NMI: variants seen among roughly 807,000 people sequenced by gnomAD.
NMI encodes the protein N-myc-interactor.
NMI carries 39 observed loss-of-function variants against 34.3 expected under a neutral mutation model. The observed-to-expected ratio is 1.14, with a 90% CI of 0.88 to 1.49. The LOEUF is 1.49. Ranked by LOEUF, NMI falls within the 40% of genes most tolerant of loss-of-function variation. The pLI, the probability that NMI is intolerant of heterozygous loss-of-function variation, is 0.00. For missense variants in NMI, 339 were observed against 358.1 expected (o/e 0.95, Z 0.43); for synonymous variants, 113 against 120.3 (o/e 0.94, Z 0.40).
At chr2:151,281,826 AC>A (rs1683410747) in intron 3 of NMI, 121 bp downstream of exon 3, 1 of 660,938 alleles carries the variant, frequency 1.5e-6, no homozygotes, top group African/African-American at 1.9e-5. Flanking sequence ...TTGAACTATT[AC>A]AAATGGTGGT....
intron 1 of NMI, among the ~76,000 whole-genome samples, chr2:151,286,221 G>A (rs867686906): frequency 1.3e-5 from 2 of 152,012 alleles, no homozygotes; most frequent in African/African-American, 2.4e-5. Context: ...ATGTAACTTC[G>A]ACGACAGTCC....
chr2:151,275,521 CTG>C lies in NMI; in HGVS notation c.595_596del (p.Gln199ValfsTer15). On this transcript the variant is annotated frameshift_variant, in exon 6 of 8. Transcript: ENST00000243346. LOFTEE classifies it high-confidence loss of function. ...CAAACGTGATGACTGCACTCCCGGA[CTG>C]TCTGTCATAGTCCACGCGGTCCACC... ...GEVDRVDYDR[Q>X]SGSAVITFVE... The C allele has an allele frequency of 3.1e-6, 5 of 1,614,164 alleles. No individual in the cohort carries two copies. Among genetic ancestry groups the C allele is most frequent in the Non-Finnish European group, 4.2e-6 (5 of 1,180,042 alleles).
At chr2:151,285,483 G>A (rs1683479382) in intron 1 of NMI, among the ~76,000 whole-genome samples, 2 of 151,794 alleles carry the variant, frequency 1.3e-5, no homozygotes, top group Admixed American at 1.3e-4. Flanking sequence ...AGCTACTCGG[G>A]AGGCTGAGGC....
chr2:151,275,901 A>G (rs1683287336), intron 4 of NMI, 37 bp from the exon 5 acceptor site: 2 of 1,272,864 alleles, frequency 1.6e-6, no homozygotes, highest in Non-Finnish European at 1.1e-6. Context: ...TTAATTTCCA[A>G]TATTTTAAGA....
intron 3 of NMI, among the ~76,000 whole-genome samples, chr2:151,281,560 T>A (rs1344855722): frequency 1.3e-5 from 2 of 152,198 alleles, no homozygotes; most frequent in African/African-American, 4.8e-5. Flanking sequence ...TGGGTTCCCT[T>A]CTGGGTCTTA....
chr2:151,275,943 T>C (rs1683287917), intron 4 of NMI, 79 bp from the exon 5 acceptor site: 1 of 946,146 alleles, frequency 1.1e-6, no homozygotes. Context: ...GAACAAATTA[T>C]CCTGAATATT....
chr2:151,280,943 A>G (rs1439122597), intron 3 of NMI, among the ~76,000 whole-genome samples: 1 of 152,000 alleles, frequency 6.6e-6, no homozygotes, highest in East Asian at 1.9e-4. Flanking sequence ...CCCAGGTTCA[A>G]GCAATTCTCT....
At chr2:151,275,722 G>T in intron 5 of NMI, 36 bp downstream of exon 5, 3 of 1,608,450 alleles carry the variant, frequency 1.9e-6, no homozygotes, top group Non-Finnish European at 2.6e-6. Context: ...TGCTTGTGAT[G>T]AACAGAAATC....
intron 1 of NMI, among the ~76,000 whole-genome samples, chr2:151,285,733 G>A (rs1683485114): frequency 6.6e-6 from 1 of 152,080 alleles, no homozygotes; most frequent in South Asian, 2.1e-4. Flanking sequence ...CCCAGACTTT[G>A]GTTTCTAATA....
At chr2:151,272,924 G>T (rs555851288) in intron 6 of NMI, among the ~76,000 whole-genome samples, 1 of 152,264 alleles carries the variant, frequency 6.6e-6, no homozygotes, top group Admixed American at 6.5e-5. Flanking sequence ...GGTTACCAGG[G>T]GCTGGAAGAA....
At chr2:151,283,044 G>A in intron 1 of NMI, 90 bp from the exon 2 acceptor site, 1 of 562,292 alleles carries the variant, frequency 1.8e-6, no homozygotes, top group South Asian at 4.1e-5. Context: ...TTTTATGGAA[G>A]AAACATCTCT....
At chr2:151,289,353 G>T (rs1683576570) in intron 1 of NMI, among the ~76,000 whole-genome samples, 1 of 152,112 alleles carries the variant, frequency 6.6e-6, no homozygotes, top group Non-Finnish European at 1.5e-5. Flanking sequence ...AAGTGACAAG[G>T]CTCGAAGCCC....
intron 3 of NMI, 128 bp from the exon 4 acceptor site, chr2:151,279,118 T>C: frequency 1.6e-6 from 1 of 618,208 alleles, no homozygotes; most frequent in Non-Finnish European, 2.8e-6. Flanking sequence ...GAATATTGAG[T>C]ATGGTCTTAT....
At chr2:151,283,182 C>T (rs1683438801) in intron 1 of NMI, among the ~76,000 whole-genome samples, 1 of 151,810 alleles carries the variant, frequency 6.6e-6, no homozygotes, top group African/African-American at 2.4e-5. Context: ...TCTCTGTCGC[C>T]CAGGCTGGAG....
At chr2:151,274,479 T>A (rs983515050) in intron 6 of NMI, among the ~76,000 whole-genome samples, 6 of 129,456 alleles carry the variant, frequency 4.6e-5, no homozygotes, top group African/African-American at 2.1e-4. Context: ...GAAATGTCTC[T>A]TTTTGTTTTT....
At position 151,283,053 on chromosome 2, in the gene NMI, CTT is replaced by C. The variant is rs1164348437; in HGVS notation, c.-6-101_-6-100del. 5.8e-6 allele frequency: 3 copies of C among 520,710 alleles called. No homozygotes were observed. The African/African-American group carries it at 6.0e-5, about 10-fold the overall frequency. The allele number at this position is 520,710 out of a possible 1,614,324, so 32.3% of individuals were successfully genotyped here. ...TTACCCTTTTATGGAAGAAACATCT[CTT>C]CTTTGCTATATCTTTTTTTCCCATC... On this transcript the variant is annotated intron_variant, in intron 1 of 7. Transcript: ENST00000243346.
chr2:151,270,589 TA>T lies in NMI; in HGVS notation c.*103del. The T allele has an allele frequency of 1.1e-6, 1 of 907,854 alleles. No homozygotes were observed. Among genetic ancestry groups the T allele is most frequent in the Non-Finnish European group, 1.7e-6 (1 of 603,088 alleles). The allele number at this position is 907,854 out of a possible 1,614,324, so 56.2% of individuals were successfully genotyped here. A position where few individuals can be genotyped will look rare whatever the true frequency, so the allele number is the denominator to read the frequency against. On this transcript the variant is annotated 3_prime_UTR_variant, in exon 8 of 8. Coordinates refer to ENST00000243346, the MANE Select transcript of NMI (RefSeq NM_004688.3). The stretch of plus-strand genomic sequence containing the variant: ...TTTGTATCTAAACATAAATGGATGG[TA>T]AAAATTAAAGTTTTCATTTTTTAAG...
intron 4 of NMI, among the ~76,000 whole-genome samples, chr2:151,276,570 T>C (rs1487805079): frequency 6.6e-6 from 1 of 152,208 alleles, no homozygotes; most frequent in South Asian, 2.1e-4. Context: ...AGTACATTAA[T>C]GCACAGCCAG....
intron 6 of NMI, among the ~76,000 whole-genome samples, chr2:151,274,812 T>C (rs569741034): frequency 1.3e-5 from 2 of 151,974 alleles, no homozygotes; most frequent in East Asian, 3.9e-4. Context: ...TGCTCTTCTG[T>C]ATTATTTCAC....
Sources: gnomAD v4.1 joint callset for allele counts (sites outside exome capture counted in the v4.1 genomes callset) on GRCh38, gnomAD v4.1.1 for gene constraint, MANE v1.5 for transcripts, NCBI Gene and HGNC (gene_info 2026-07-23, HGNC 2026-07-21) for gene names.